NRL: variants seen among roughly 807,000 people sequenced by gnomAD.
The protein encoded by NRL is neural retina-specific leucine zipper protein.
A neutral mutation model predicts 12.5 loss-of-function variants in NRL; 16 were observed. The observed-to-expected ratio is 1.28, with a 90% confidence interval of 0.87 to 1.95. The LOEUF (loss-of-function observed/expected upper bound fraction) is 1.95. Ranked by LOEUF, NRL falls within the 30% of genes most tolerant of loss-of-function variation. The pLI, the probability that NRL is intolerant of heterozygous loss-of-function variation, is 0.00. For missense variants in NRL, 314 were observed against 325.8 expected, an observed-to-expected ratio of 0.96 and a Z score of 0.28; for synonymous variants, 142 against 150.9, an observed-to-expected ratio of 0.94 and a Z score of 0.43.
chr14:24,094,002 CTA>C lies in NRL; in HGVS notation c.-27-11129_-27-11128del, dbSNP rs1479410987. 1 of 517,098 alleles carries C rather than the reference CTA, an allele frequency of 1.9e-6. No homozygotes were observed. The highest frequency in any genetic ancestry group is 2.0e-5 in the African/African-American group (1 of 49,218). 32.0% of individuals were successfully genotyped at this position (517,098 alleles called of 1,614,324 possible). Reference sequence around the variant, plus strand: ...CCCTCGTTCCTAGCTTGTTTGCCACCTAGTGTCTCTCCCGGGAGCAAGAGTCC... The same window carrying C: ...CCCTCGTTCCTAGCTTGTTTGCCACCGTGTCTCTCCCGGGAGCAAGAGTCC... On this transcript the variant is annotated intron_variant, in intron 1 of 2. Transcript: ENST00000561028. This position sits in a 1 kb window ranked among gnomAD's most constrained non-coding sequence, Gnocchi z 4.1.
At chr14:24,106,284 A>G (rs1173853443) in intron 1 of NRL, among the ~76,000 whole-genome samples, 3 of 152,232 alleles carry the variant, frequency 2.0e-5, no homozygotes, top group Non-Finnish European at 4.4e-5. Flanking sequence ...AACAAATAAA[A>G]TGGAATTATT....
At chr14:24,087,314 G>A (rs913830889) in intron 1 of NRL, among the ~76,000 whole-genome samples, 5 of 152,210 alleles carry the variant, frequency 3.3e-5, no homozygotes. Flanking sequence ...CCAAGACCTA[G>A]ACACCAATAC....
Position 24,094,472 on chromosome 14 carries a change from C to T in NRL, c.-27-11597G>A, listed in dbSNP as rs76987776. On this transcript the variant is annotated intron_variant, in intron 1 of 2. Transcript: ENST00000561028. The surrounding 1 kb of genome is among the most constrained non-coding windows in gnomAD (Gnocchi z 4.1). ...CGGCCCGGGGCCCACCCGCACCTTC[C>T]GCTGCGCTCGCCCCCTCGGGGCTGC... 0.034 allele frequency: 51,054 copies of T among 1,501,146 alleles called. 3,310 individuals carry two copies. Among genetic ancestry groups the T allele is most frequent in the East Asian group, 0.22 (8,657 of 39,560 alleles). 93.0% of individuals were successfully genotyped at this position (1,501,146 alleles called of 1,614,324 possible).
At chr14:24,099,295 C>A (rs543659783) in intron 1 of NRL, 23 of 1,491,246 alleles carry the variant, frequency 1.5e-5, no homozygotes, top group Middle Eastern at 2.2e-4. Flanking sequence ...TGGGGCCTGG[C>A]CAGTCTGCCT....
rs574007644 is a variant in NRL at position 24,094,656 on chromosome 14, C to T, written c.-27-11781G>A. The T allele has an allele frequency of 2.0e-6, 3 of 1,502,468 alleles. No individual in the cohort carries two copies. The highest frequency in any genetic ancestry group is 2.8e-5 in the African/African-American group (2 of 72,500). 93.1% of individuals were successfully genotyped at this position (1,502,468 alleles called of 1,614,324 possible). On this transcript the variant is annotated intron_variant, in intron 1 of 2. Transcript: ENST00000561028. The surrounding 1 kb of genome is among the most constrained non-coding windows in gnomAD (Gnocchi z 4.1). The stretch of plus-strand genomic sequence containing the variant: ...TCCGCCTGCACCTCCCCTTCTCTGC[C>T]TCGCTCGCCTCTGACCGCGCGATCT...
chr14:24,109,988 T>G (rs1022674463), intron 1 of NRL, among the ~76,000 whole-genome samples: 4 of 152,206 alleles, frequency 2.6e-5, no homozygotes, highest in Non-Finnish European at 5.9e-5. Flanking sequence ...AAGTTTTTTG[T>G]TCGTTTTTCT....
intron 2 of NRL, 146 bp downstream of exon 2, chr14:24,082,322 G>T: frequency 9.8e-7 from 1 of 1,020,528 alleles, no homozygotes; most frequent in Non-Finnish European, 1.5e-6. Flanking sequence ...TTCTCGATCT[G>T]ATTGCTTTCA....
intron 1 of NRL, among the ~76,000 whole-genome samples, chr14:24,107,631 T>C (rs1356581001): frequency 6.6e-6 from 1 of 152,224 alleles, no homozygotes; most frequent in African/African-American, 2.4e-5. Flanking sequence ...ATTTTTTTCA[T>C]ATGTCTTTCA....
At chr14:24,098,898 C>T (rs749355026) in intron 1 of NRL, 112 of 733,014 alleles carry the variant, frequency 1.5e-4, no homozygotes, top group Non-Finnish European at 2.1e-4. Flanking sequence ...GGCATGGAAG[C>T]TGATGGTTAT....
chr14:24,082,400 C>A, intron 2 of NRL, 68 bp downstream of exon 2: 1 of 1,599,770 alleles, frequency 6.3e-7, no homozygotes, highest in South Asian at 1.1e-5. Context: ...TGGGAGCTCC[C>A]CTTCCTCTCT....
chr14:24,099,147 G>T (rs1222645070), intron 1 of NRL: 2 of 1,611,626 alleles, frequency 1.2e-6, no homozygotes, highest in Non-Finnish European at 1.7e-6. Context: ...CGGCTATGGT[G>T]GCAACTCCCT....
rs754703826 is a variant in NRL at position 24,099,189 on chromosome 14, G to A, written c.-28+15533C>T. Reference sequence around the variant, plus strand: ...CAAGAAGTGCTTTGCCCTACGCATCGCCTCTCGGCTGGCCCGGGATGAGGG... The same window carrying A: ...CAAGAAGTGCTTTGCCCTACGCATCACCTCTCGGCTGGCCCGGGATGAGGG... On this transcript the variant is annotated intron_variant, in intron 1 of 2. Transcript: ENST00000561028. 5.5e-5 allele frequency: 88 copies of A among 1,605,552 alleles called. No individual in the cohort carries two copies. The highest frequency in any genetic ancestry group is 6.7e-5 in the Non-Finnish European group (79 of 1,178,342).
In NRL at chr14:24,082,471, G is replaced by A. The variant is rs2036341996; in HGVS notation, c.378C>T (p.Val126=). Residue 126 remains valine, a synonymous_variant, in exon 2 of 3, where the codon GTC becomes GTT. Coordinates refer to ENST00000561028, the MANE Select transcript of NRL (RefSeq NM_001354768.3). ...GSPEETGAQH[V]QLAERFSDAA... is the part of the protein sequence containing the mutation. ...GGCCAGCTTGCTGACCACTCACCTG[G>A]ACGTGCTGGGCTCCTGTCTCCTCTG... The A allele has an allele frequency of 1.9e-6, 3 of 1,612,242 alleles. No homozygotes were observed. Among genetic ancestry groups the A allele is most frequent in the African/African-American group, 2.7e-5 (2 of 74,892 alleles).
intron 1 of NRL, among the ~76,000 whole-genome samples, chr14:24,087,978 T>C (rs2036506178): frequency 6.6e-6 from 1 of 151,946 alleles, no homozygotes; most frequent in Admixed American, 6.6e-5. Flanking sequence ...CAGTGGGCCA[T>C]GATGGTGCCA....
chr14:24,110,902 A>G (rs1048340963), intron 1 of NRL, among the ~76,000 whole-genome samples: 1 of 152,248 alleles, frequency 6.6e-6, no homozygotes, highest in Non-Finnish European at 1.5e-5. Context: ...TGCTTAGCAG[A>G]AATATCAAAA....
intron 1 of NRL, among the ~76,000 whole-genome samples, chr14:24,112,278 G>A (rs2037432822): frequency 7.1e-6 from 1 of 141,160 alleles, no homozygotes. Flanking sequence ...TGTTCATCAA[G>A]GATATTGGTC....
chr14:24,101,724 AC>A (rs1179120663), intron 1 of NRL, among the ~76,000 whole-genome samples: 1 of 152,184 alleles, frequency 6.6e-6, no homozygotes, highest in Non-Finnish European at 1.5e-5. Flanking sequence ...GGAGTTCGAG[AC>A]CAGCCTGGCA....
At chr14:24,089,495 C>G (rs2036557970) in intron 1 of NRL, among the ~76,000 whole-genome samples, 1 of 152,184 alleles carries the variant, frequency 6.6e-6, no homozygotes, top group African/African-American at 2.4e-5. Flanking sequence ...ATCCTCCAGC[C>G]TCTGCCTCCC....
intron 1 of NRL, among the ~76,000 whole-genome samples, chr14:24,106,739 T>TA: frequency 6.9e-6 from 1 of 144,176 alleles, no homozygotes; most frequent in East Asian, 2.0e-4. Flanking sequence ...AATAAATAAA[T>TA]AAATAAATTT....
Sources: gnomAD v4.1 joint callset for allele counts (sites outside exome capture counted in the v4.1 genomes callset) on GRCh38, gnomAD v4.1.1 for gene constraint, Gnocchi (gnomAD v3.1) non-coding constraint, MANE v1.5 for transcripts, NCBI Gene and HGNC (gene_info 2026-07-23, HGNC 2026-07-21) for gene names.